COL9A1: variants seen among roughly 807,000 people sequenced by gnomAD.
The protein encoded by COL9A1 is collagen type IX alpha 1 chain.
COL9A1 carries 104 observed loss-of-function variants against 142.6 expected under a neutral mutation model. The observed-to-expected ratio is 0.73, with a 90% CI of 0.62 to 0.86. COL9A1 has a LOEUF of 0.86. Among genes scored for constraint, COL9A1 ranks in the 40% least tolerant of loss-of-function variants. The pLI is 0.00. For missense variants in COL9A1, 1,210 were observed against 1,176.6 expected, an observed-to-expected ratio of 1.03 and a Z score of -0.42; for synonymous variants, 466 against 396.0, an observed-to-expected ratio of 1.18 and a Z score of -2.10.
intron 32 of COL9A1, 88 bp downstream of exon 32, chr6:70,240,601 T>A: frequency 1.3e-6 from 1 of 782,926 alleles, no homozygotes; most frequent in South Asian, 1.9e-5. Context: ...ATATACCAAT[T>A]TTGAACTGTG....
chr6:70,263,672 G>A (rs1771836565), intron 18 of COL9A1, among the ~76,000 whole-genome samples: 1 of 151,796 alleles, frequency 6.6e-6, no homozygotes, highest in South Asian at 2.1e-4. Flanking sequence ...TCAAATGGGG[G>A]GGATTTATTA....
intron 31 of COL9A1, 72 bp from the exon 32 acceptor site, chr6:70,240,805 G>C: frequency 8.4e-7 from 1 of 1,187,202 alleles, no homozygotes; most frequent in Non-Finnish European, 1.3e-6. Flanking sequence ...AGTAAACATT[G>C]ATAAGCATTC....
intron 4 of COL9A1, 21 bp from the exon 5 acceptor site, chr6:70,294,584 G>C: frequency 6.2e-7 from 1 of 1,611,790 alleles, no homozygotes; most frequent in East Asian, 2.2e-5. Context: ...TTTTTAAATA[G>C]TAAACATGCA....
Position 70,267,719 on chromosome 6 carries a change from A to T in COL9A1, c.1288-949T>A, listed in dbSNP as rs190711056. Among the ~76,000 whole-genome samples, 178 of 152,342 alleles carry T rather than the reference A, an allele frequency of 1.2e-3. 2 individuals are homozygous for T. The highest frequency in any genetic ancestry group is 1.1e-3 in the Non-Finnish European group (74 of 68,026). On this transcript the variant is annotated intron_variant, in intron 17 of 37. Coordinates refer to ENST00000357250, the MANE Select transcript of COL9A1 (RefSeq NM_001851.6). ...TATCCCTATCTTTTCTTGTCAGGCC[A>T]CTTGTCCTAAGCACGTGTGTGCTTT...
chr6:70,280,806 A>AC lies in COL9A1; in HGVS notation c.975+5dup. 1 of 1,611,600 alleles carries AC rather than the reference A, an allele frequency of 6.2e-7. No homozygotes were observed. Among genetic ancestry groups the AC allele is most frequent in the East Asian group, 2.2e-5 (1 of 44,750 alleles). The stretch of plus-strand genomic sequence containing the variant: ...CTGGGCGCCCTCCCAGCACTCGCCT[A>AC]CTCACATCAGCGCCAGGTGTGCCAG... On this transcript the variant is annotated splice_donor_region_variant and intron_variant, in intron 10 of 37. Transcript: ENST00000357250.
Position 70,269,544 on chromosome 6 carries a change from T to A in COL9A1, c.1230+89A>T. The A allele has an allele frequency of 3.3e-6, 3 of 920,376 alleles. 1 individual carries two copies. The South Asian group carries it at 4.0e-5, about 12-fold the overall frequency. The allele number at this position is 920,376 out of a possible 1,614,324, so 57.0% of individuals were successfully genotyped here. On this transcript the variant is annotated intron_variant, in intron 16 of 37. Coordinates refer to ENST00000357250, the MANE Select transcript of COL9A1 (RefSeq NM_001851.6). ...AAGGAAAACACAGACACATAGAATA[T>A]TCCAGGGAAATCTTTTAAAGAAAAC... is the stretch of plus-strand genomic sequence containing the variant.
chr6:70,300,477 T>A lies in COL9A1; in HGVS notation c.89-91A>T, dbSNP rs549281211. On this transcript the variant is annotated intron_variant, in intron 2 of 37. Transcript: ENST00000357250. ...TAAAATAAAATAATAATAATAATAA[T>A]AAAATTTAGAACCAGAAAATAGCAA... 7 of 527,026 alleles carry A rather than the reference T, an allele frequency of 1.3e-5. No homozygotes were observed. In the South Asian group the frequency reaches 3.7e-4, roughly 28 times the overall value. 32.6% of individuals were successfully genotyped at this position (527,026 alleles called of 1,614,324 possible). A position where few individuals can be genotyped will look rare whatever the true frequency, so the allele number is the denominator to read the frequency against.
At chr6:70,275,418 T>C (rs1772692294) in intron 10 of COL9A1, among the ~76,000 whole-genome samples, 1 of 150,622 alleles carries the variant, frequency 6.6e-6, no homozygotes, top group South Asian at 2.1e-4. Context: ...TAAAAATAGC[T>C]GTGATTAAGT....
intron 37 of COL9A1, among the ~76,000 whole-genome samples, chr6:70,221,783 C>A (rs980948563): frequency 6.6e-6 from 1 of 152,140 alleles, no homozygotes; most frequent in Non-Finnish European, 1.5e-5. Context: ...CTTTAAAATT[C>A]TCAGAGTGAC....
At chr6:70,217,935 G>GT (rs1562282313) in intron 37 of COL9A1, among the ~76,000 whole-genome samples, 1 of 152,186 alleles carries the variant, frequency 6.6e-6, no homozygotes, top group Non-Finnish European at 1.5e-5. Flanking sequence ...GAGGTCAGGA[G>GT]TTTGAGATCA....
Position 70,274,052 on chromosome 6 carries a change from A to T in COL9A1, c.1060T>A (p.Phe354Ile), listed in dbSNP as rs1170101715. Residue 354 changes from phenylalanine to isoleucine, a missense_variant, in exon 12 of 38, where the codon TTT becomes ATT. Physicochemically the swap from Phe to Ile is conservative, Grantham distance 21 (BLOSUM62 0). Transcript: ENST00000357250. ...GTAGCTTTACATTTACTTACTGGAA[A>T]TCCACGCGATCCAGGCACACCAGGT... ...GEPGVPGSRG[F>I]PGRGIPGPPG... 1 of 1,557,122 alleles carries T rather than the reference A, an allele frequency of 6.4e-7. No individual in the cohort carries two copies. The highest frequency in any genetic ancestry group is 1.2e-5 in the South Asian group (1 of 80,756).
intron 14 of COL9A1, 115 bp downstream of exon 14, chr6:70,271,540 C>A: frequency 1.2e-6 from 1 of 814,446 alleles, no homozygotes; most frequent in South Asian, 1.4e-5. Context: ...GAATGAAATT[C>A]ATCTGCCATG....
intron 2 of COL9A1, among the ~76,000 whole-genome samples, chr6:70,301,255 C>A (rs1181020906): frequency 6.6e-6 from 1 of 152,098 alleles, no homozygotes; most frequent in East Asian, 1.9e-4. Context: ...CAGAGACTCT[C>A]TAGACTTCAA....
In COL9A1 at chr6:70,300,153, GA is replaced by G. The variant is rs1057519130; in HGVS notation, c.188del (p.Phe63SerfsTer3). On this transcript the variant is annotated frameshift_variant, in exon 4 of 38. Coordinates refer to ENST00000357250, the MANE Select transcript of COL9A1 (RefSeq NM_001851.6). LOFTEE classifies it high-confidence loss of function. Reference protein sequence around the residue: ...DLPGFDLISQFQVDKAASRRA... With the variant: ...DLPGFDLISQXQVDKAASRRA... ...TTCTAGATGCTGCTTTATCTACCTG[GA>G]ACTGAGAGATCAGATCAAACCCTAT... is the stretch of plus-strand genomic sequence containing the variant. 8.7e-6 allele frequency: 14 copies of G among 1,613,494 alleles called. No homozygotes were observed. Among genetic ancestry groups the G allele is most frequent in the Non-Finnish European group, 1.2e-5 (14 of 1,179,828 alleles).
Position 70,287,818 on chromosome 6 carries a change from G to A in COL9A1, c.697-3998C>T, listed in dbSNP as rs150979857. 7.0e-4 allele frequency among the ~76,000 whole-genome samples: 107 copies of A among 152,220 alleles called. 1 individual carries two copies. Among genetic ancestry groups the A allele is most frequent in the African/African-American group, 2.4e-3 (100 of 41,548 alleles). On this transcript the variant is annotated intron_variant, in intron 5 of 37. Coordinates refer to ENST00000357250, the MANE Select transcript of COL9A1 (RefSeq NM_001851.6). ...ATACTATTTTCCCTTGACTTTCAGGGCACCACAATCTCCTGGTCCTCTCCT... is the reference window on the plus strand; with the variant it reads ...ATACTATTTTCCCTTGACTTTCAGGACACCACAATCTCCTGGTCCTCTCCT...
At chr6:70,278,636 C>T (rs1772919291) in intron 10 of COL9A1, among the ~76,000 whole-genome samples, 1 of 152,130 alleles carries the variant, frequency 6.6e-6, no homozygotes, top group Admixed American at 6.5e-5. Context: ...ACTAAATGTG[C>T]TCATCATTTT....
chr6:70,250,108 A>C (rs1770849657), intron 28 of COL9A1, among the ~76,000 whole-genome samples: 1 of 150,968 alleles, frequency 6.6e-6, no homozygotes. Context: ...AAAAAATACA[A>C]CAATTAGCTG....
At chr6:70,233,934 T>C (rs983693849) in intron 35 of COL9A1, among the ~76,000 whole-genome samples, 1 of 152,262 alleles carries the variant, frequency 6.6e-6, no homozygotes, top group Admixed American at 6.5e-5. Flanking sequence ...TCATTTTCTG[T>C]GTGTTTTTAT....
intron 36 of COL9A1, among the ~76,000 whole-genome samples, chr6:70,231,096 C>G (rs113436006): frequency 1.7e-4 from 26 of 152,266 alleles, no homozygotes; most frequent in African/African-American, 6.3e-4. Context: ...GACCTCGACC[C>G]CAGAGTTTCT....
Sources: allele counts gnomAD v4.1 joint callset (sites outside exome capture counted in the v4.1 genomes callset), GRCh38; gene constraint gnomAD v4.1.1; transcripts MANE v1.5; gene names NCBI Gene and HGNC (gene_info 2026-07-23, HGNC 2026-07-21).